The following PRDM2 variants were observed in gnomAD, a reference collection of about 807,000 sequenced individuals.
The protein encoded by PRDM2 is PR/SET domain 2, also known as PR domain zinc finger protein 2.
Under a neutral mutation model 130.0 loss-of-function variants are expected in PRDM2, and 30 were observed. The observed-to-expected ratio is 0.23, with a 90% CI of 0.17 to 0.31. The LOEUF (loss-of-function observed/expected upper bound fraction) is 0.31, where lower values mean the gene tolerates loss of function less well. Among genes scored for constraint, PRDM2 ranks in the 10% least tolerant of loss-of-function variants. PRDM2 has a pLI of 1.00. For missense variants in PRDM2, 2,011 were observed against 2,108.4 expected (o/e 0.95, Z 0.90); for synonymous variants, 871 against 782.4 (o/e 1.11, Z -1.89).
intron 2 of PRDM2, among the ~76,000 whole-genome samples, chr1:13,728,299 A>G (rs1298858336): frequency 6.6e-6 from 1 of 152,240 alleles, no homozygotes; most frequent in East Asian, 1.9e-4. Flanking sequence ...GAGGAGGCAC[A>G]CAGTAAACAC....
intron 8 of PRDM2, among the ~76,000 whole-genome samples, chr1:13,812,378 G>A (rs1257436686): frequency 6.6e-6 from 1 of 152,188 alleles, no homozygotes; most frequent in Non-Finnish European, 1.5e-5. Context: ...GCTCGATGGT[G>A]TGCCTGCTTC....
intron 2 of PRDM2, chr1:13,722,773 C>T (rs1463333139): frequency 2.0e-6 from 1 of 499,224 alleles, no homozygotes. Context: ...CTTTGCTTCT[C>T]TTGAACGTTG....
In PRDM2 at chr1:13,806,221, C is replaced by G. The variant is rs1645084141; in HGVS notation, c.5037-10206C>G. On this transcript the variant is annotated intron_variant, in intron 8 of 9. Coordinates refer to ENST00000311066, the MANE Select transcript of PRDM2 (RefSeq NM_001393986.1). The surrounding 1 kb of genome is among the most constrained non-coding windows in gnomAD (Gnocchi z 4.1). ...TCTCCCAGTCTCTGCACATTACCAG[C>G]TGCTCCCCCGCATCCCGCCTCCATC... is the stretch of plus-strand genomic sequence containing the variant. Among the ~76,000 whole-genome samples, 1 of 152,040 alleles carries G rather than the reference C, an allele frequency of 6.6e-6. No homozygotes were observed.
chr1:13,781,722 C>A lies in PRDM2; in HGVS notation c.3927C>A (p.Asn1309Lys). The change falls in exon 8 of 10, where the codon AAC becomes AAA. Residue 1309 changes from asparagine to lysine, a missense_variant. This residue lies in a region of PRDM2 where 229 missense variants were observed against 364.1 expected (regional missense o/e 0.63). Coordinates refer to ENST00000311066, the MANE Select transcript of PRDM2 (RefSeq NM_001393986.1). The surrounding 1 kb of genome is among the most constrained non-coding windows in gnomAD (Gnocchi z 6.1). Reference sequence around the variant, plus strand: ...CTCCATTTCAGTACCATCACCGTAACCCCATGGGGATTGGTGTGACAGCCA... The same window carrying A: ...CTCCATTTCAGTACCATCACCGTAAACCCATGGGGATTGGTGTGACAGCCA... ...KPPPFQYHHR[N>K]PMGIGVTATN... 2 of 1,614,178 alleles carry A rather than the reference C, an allele frequency of 1.2e-6. No individual in the cohort carries two copies. The highest frequency in any genetic ancestry group is 8.5e-7 in the Non-Finnish European group (1 of 1,180,032).
chr1:13,731,770 T>C (rs1439501811), intron 3 of PRDM2, among the ~76,000 whole-genome samples: 2 of 152,212 alleles, frequency 1.3e-5, no homozygotes. Context: ...ATATATCATA[T>C]TTATATCCCT....
Position 13,794,772 on chromosome 1 carries a change from T to C in PRDM2, c.5036+11941T>C, listed in dbSNP as rs114961119. Among the ~76,000 whole-genome samples, 356 of 152,368 alleles carry C rather than the reference T, an allele frequency of 2.3e-3. 2 individuals carry two copies. Among genetic ancestry groups the C allele is most frequent in the African/African-American group, 8.2e-3 (342 of 41,592 alleles). The stretch of plus-strand genomic sequence containing the variant: ...TTTGAATCTGATGAAAAGTTGAGCC[T>C]GGCATGCCATGTATAAGATTTCATG... On this transcript the variant is annotated intron_variant, in intron 8 of 9. Transcript: ENST00000311066.
intron 8 of PRDM2, among the ~76,000 whole-genome samples, chr1:13,809,998 T>C (rs1184361112): frequency 6.6e-6 from 1 of 152,090 alleles, no homozygotes; most frequent in Non-Finnish European, 1.5e-5. Context: ...ACACGCATCT[T>C]CTTACAAGGC....
intron 8 of PRDM2, chr1:13,787,441 G>T (rs1644764578): frequency 1.0e-6 from 1 of 985,138 alleles, no homozygotes; most frequent in Non-Finnish European, 1.2e-6. Flanking sequence ...TGAGTTGGTG[G>T]AAAGCGGCTA....
At chr1:13,791,114 GTTTT>G (rs3215495) in intron 8 of PRDM2, among the ~76,000 whole-genome samples, 3 of 145,636 alleles carry the variant, frequency 2.1e-5, no homozygotes, top group Non-Finnish European at 4.6e-5. Context: ...TATAGGTAGG[GTTTT>G]TTTTTTTTAA....
intron 6 of PRDM2, among the ~76,000 whole-genome samples, chr1:13,755,422 A>G (rs984491294): frequency 6.6e-6 from 1 of 152,202 alleles, no homozygotes; most frequent in Admixed American, 6.5e-5. Context: ...TCTCTTGTCC[A>G]TATGTAAATT....
At chr1:13,797,772 A>T (rs1366308085) in intron 8 of PRDM2, among the ~76,000 whole-genome samples, 1 of 152,122 alleles carries the variant, frequency 6.6e-6, no homozygotes, top group Non-Finnish European at 1.5e-5. Context: ...CTAAACCATA[A>T]TCTCTGGGGT....
At chr1:13,774,271 G>T (rs1644422711) in intron 7 of PRDM2, among the ~76,000 whole-genome samples, 1 of 152,196 alleles carries the variant, frequency 6.6e-6, no homozygotes, top group African/African-American at 2.4e-5. Flanking sequence ...TTTGCCATGG[G>T]CAAATTTTTG....
At chr1:13,807,370 C>A (rs899754783) in intron 8 of PRDM2, among the ~76,000 whole-genome samples, 2 of 152,210 alleles carry the variant, frequency 1.3e-5, no homozygotes, top group Non-Finnish European at 2.9e-5. Context: ...GCTGGAGGTG[C>A]CTCCGTGACA....
chr1:13,765,208 A>G (rs1644195540), intron 6 of PRDM2, among the ~76,000 whole-genome samples: 1 of 152,206 alleles, frequency 6.6e-6, no homozygotes, highest in African/African-American at 2.4e-5. Context: ...CAAGTCTCCC[A>G]GTTCTTTTGT....
intron 8 of PRDM2, chr1:13,787,462 A>T: frequency 4.1e-6 from 4 of 985,362 alleles, no homozygotes; most frequent in Non-Finnish European, 4.8e-6. Context: ...GGTTTTATTC[A>T]TACTGTTTTT....
intron 2 of PRDM2, among the ~76,000 whole-genome samples, chr1:13,727,010 C>T (rs921881829): frequency 6.6e-6 from 1 of 152,110 alleles, no homozygotes; most frequent in Non-Finnish European, 1.5e-5. Context: ...AAGCGAATGG[C>T]GATGAGTGTT....
At chr1:13,751,041 A>C (rs1218968385) in intron 6 of PRDM2, among the ~76,000 whole-genome samples, 1 of 152,102 alleles carries the variant, frequency 6.6e-6, no homozygotes, top group Non-Finnish European at 1.5e-5. Flanking sequence ...TAGCAACCTT[A>C]CTTTAACGCT....
chr1:13,811,817 C>T (rs1645177446), intron 8 of PRDM2, among the ~76,000 whole-genome samples: 1 of 152,210 alleles, frequency 6.6e-6, no homozygotes, highest in African/African-American at 2.4e-5. Context: ...GGGGTTGCCA[C>T]TAAGGTGGGG....
rs1557655167 is a variant in PRDM2 at position 13,782,534 on chromosome 1, G to C, written c.4739G>C (p.Arg1580Thr). ...SSSLRNSSPI[R>T]MAKITHVEGK... The stretch of plus-strand genomic sequence containing the variant: ...TCTTTAAGGAACTCCAGCCCGATAA[G>C]AATGGCCAAAATAACTCATGTTGAG... The change falls in exon 8 of 10, where the codon AGA (arginine) becomes ACA (threonine). Residue 1580 changes from arginine (R) to threonine (T), a missense_variant. Coordinates refer to ENST00000311066, the MANE Select transcript of PRDM2 (RefSeq NM_001393986.1). The C allele has an allele frequency of 1.2e-6, 2 of 1,614,006 alleles. No individual in the cohort carries two copies. Among genetic ancestry groups the C allele is most frequent in the East Asian group, 4.5e-5 (2 of 44,898 alleles).
Sources: allele counts gnomAD v4.1 joint callset (sites outside exome capture counted in the v4.1 genomes callset), GRCh38; gene constraint gnomAD v4.1.1; regional missense constraint gnomAD v4.1.1; non-coding constraint Gnocchi (gnomAD v3.1); transcripts MANE v1.5; gene names NCBI Gene and HGNC (gene_info 2026-07-23, HGNC 2026-07-21).